Variants in SMARCB1 observed in about 807,000 individuals in gnomAD.
SMARCB1 encodes the protein SWI/SNF-related matrix-associated actin-dependent regulator of chromatin subfamily B member 1.
Under a neutral mutation model 49.0 loss-of-function variants are expected in SMARCB1, and 5 were observed. The ratio of observed to expected loss-of-function variants is 0.10; its 90% CI spans 0.05 to 0.21. The LOEUF (loss-of-function observed/expected upper bound fraction) is 0.21. Ranked by LOEUF, SMARCB1 falls within the 10% of genes least tolerant of loss-of-function variation. The probability of loss-of-function intolerance (pLI) is 1.00; values close to 1 mark genes in which losing one functional copy is unlikely to be tolerated. For missense variants in SMARCB1, 226 were observed against 509.2 expected (o/e 0.44, Z 5.35); for synonymous variants, 201 against 200.1 (o/e 1.00, Z -0.04).
intron 1 of SMARCB1, among the ~76,000 whole-genome samples, chr22:23,790,846 C>A (rs569495547): frequency 6.6e-6 from 1 of 151,784 alleles, no homozygotes; most frequent in Non-Finnish European, 1.5e-5. Context: ...GACCCTGTCT[C>A]AAAAATAATA....
Position 23,836,555 on chromosome 22 carries a change from T to C in SMARCB1, c.*2375T>C. 9.2e-7 allele frequency: 1 copy of C among 1,086,176 alleles called. No homozygotes were observed. Among genetic ancestry groups the C allele is most frequent in the Non-Finnish European group, 1.1e-6 (1 of 896,502 alleles). The allele number at this position is 1,086,176 out of a possible 1,614,324, so 67.3% of individuals were successfully genotyped here. The stretch of plus-strand genomic sequence containing the variant: ...CACCTGTGAGCTCAAAAGCTCTGCC[T>C]GGCAACCTGTGAGCTCAAAGCTCTG... On this transcript the variant is annotated 3_prime_UTR_variant, in exon 9 of 9. Coordinates refer to ENST00000644036, the MANE Select transcript of SMARCB1 (RefSeq NM_003073.5).
chr22:23,837,269 G>C lies in SMARCB1; in HGVS notation c.*3089G>C. The C allele has an allele frequency of 7.5e-7, 1 of 1,335,384 alleles. No homozygotes were observed. The highest frequency in any genetic ancestry group is 1.0e-6 in the Non-Finnish European group (1 of 963,446). The allele number at this position is 1,335,384 out of a possible 1,614,324, so 82.7% of individuals were successfully genotyped here. ...GGTGGCCCTGCAGGCCCCACAGCAT[G>C]AGTGCCCCAAAGCCTTGCACAGAGT... On this transcript the variant is annotated 3_prime_UTR_variant, in exon 9 of 9. Coordinates refer to ENST00000644036, the MANE Select transcript of SMARCB1 (RefSeq NM_003073.5).
At chr22:23,807,788 C>CT (rs757004907) in intron 5 of SMARCB1, among the ~76,000 whole-genome samples, 4 of 106,132 alleles carry the variant, frequency 3.8e-5, no homozygotes, top group African/African-American at 2.7e-5. Context: ...TGGTAGATTT[C>CT]TTTTTTTTTC....
intron 6 of SMARCB1, 176 bp from the exon 7 acceptor site, chr22:23,825,049 G>A (rs1426913252): frequency 4.6e-6 from 3 of 650,644 alleles, no homozygotes; most frequent in African/African-American, 1.8e-5. Flanking sequence ...GGCAGACAGG[G>A]TTGTGGGGTC....
At chr22:23,796,042 C>G (rs924626472) in intron 3 of SMARCB1, among the ~76,000 whole-genome samples, 4 of 152,106 alleles carry the variant, frequency 2.6e-5, no homozygotes, top group Non-Finnish European at 5.9e-5. Flanking sequence ...ATCCTCCCGC[C>G]TCGGCCTCCC....
rs774984894 is a variant in SMARCB1 at position 23,834,123 on chromosome 22, T to C, written c.1119-18T>C. 2.4e-5 allele frequency: 38 copies of C among 1,579,868 alleles called. No homozygotes were observed. The African/African-American group carries it at 5.0e-4, about 21-fold the overall frequency. ...GGGAGCTGGCCCCGACTCATTGCCC[T>C]CCCCACTCCTCTTCCAGGCGGATGA... is the stretch of plus-strand genomic sequence containing the variant. On this transcript the variant is annotated intron_variant, in intron 8 of 8. Coordinates refer to ENST00000644036, the MANE Select transcript of SMARCB1 (RefSeq NM_003073.5).
chr22:23,795,546 T>C (rs1928688607), intron 3 of SMARCB1, among the ~76,000 whole-genome samples: 2 of 151,484 alleles, frequency 1.3e-5, no homozygotes, highest in Non-Finnish European at 2.9e-5. Flanking sequence ...TCCCAGCTAC[T>C]CAGGAAGGCT....
At chr22:23,814,003 T>C (rs1930033481) in intron 5 of SMARCB1, among the ~76,000 whole-genome samples, 1 of 152,074 alleles carries the variant, frequency 6.6e-6, no homozygotes, top group Non-Finnish European at 1.5e-5. Flanking sequence ...CTAATTTTTG[T>C]ATTTTTAGTA....
At chr22:23,816,540 C>A in intron 5 of SMARCB1, 1 of 615,964 alleles carries the variant, frequency 1.6e-6, no homozygotes, top group Non-Finnish European at 2.9e-6. Context: ...ATGGCCATGA[C>A]CACCCCCAGG....
At chr22:23,789,094 C>CAT (rs1928204668) in intron 1 of SMARCB1, among the ~76,000 whole-genome samples, 2 of 152,204 alleles carry the variant, frequency 1.3e-5, no homozygotes, top group African/African-American at 4.8e-5. Context: ...AAGTGATCTG[C>CAT]CCGCCTCGGC....
chr22:23,806,021 A>C (rs777201343), intron 5 of SMARCB1, among the ~76,000 whole-genome samples: 1 of 152,226 alleles, frequency 6.6e-6, no homozygotes, highest in Non-Finnish European at 1.5e-5. Context: ...GGTTAGGAAA[A>C]ACTGGATAAA....
Position 23,816,783 on chromosome 22 carries a change from G to A in SMARCB1, c.642G>A (p.Thr214=), listed in dbSNP as rs745315386. The stretch of plus-strand genomic sequence containing the variant: ...TCCTGATTTCAGAGAAGTTGATGAC[G>A]CCTGAGATGTTTTCAGAAATCCTCT... ...FTWNMNEKLM[T]PEMFSEILCD... Residue 214 remains threonine, a synonymous_variant, in exon 6 of 9, where the codon ACG becomes ACA. Coordinates refer to ENST00000644036, the MANE Select transcript of SMARCB1 (RefSeq NM_003073.5). The A allele has an allele frequency of 7.4e-6, 12 of 1,613,634 alleles. No homozygotes were observed. The Admixed American group carries it at 1.5e-4, about 20-fold the overall frequency.
chr22:23,821,295 G>A (rs9612463), intron 6 of SMARCB1, among the ~76,000 whole-genome samples: 18,828 of 152,258 alleles, frequency 0.12, 1,254 homozygotes, highest in South Asian at 0.27. Context: ...GCATTTTTCA[G>A]GCCAGAGGCC....
At chr22:23,791,104 C>G (rs747807797) in intron 1 of SMARCB1, among the ~76,000 whole-genome samples, 1 of 152,104 alleles carries the variant, frequency 6.6e-6, no homozygotes, top group Non-Finnish European at 1.5e-5. Context: ...GAAAAGTCAA[C>G]GAGACAATAG....
chr22:23,809,083 T>C (rs1268561973), intron 5 of SMARCB1, among the ~76,000 whole-genome samples: 1 of 151,454 alleles, frequency 6.6e-6, no homozygotes, highest in Non-Finnish European at 1.5e-5. Flanking sequence ...TCTGCCCGCC[T>C]TGGCCTCCCA....
At chr22:23,809,076 G>T (rs1314836938) in intron 5 of SMARCB1, among the ~76,000 whole-genome samples, 10 of 150,860 alleles carry the variant, frequency 6.6e-5, no homozygotes, top group Admixed American at 5.9e-4. Context: ...CTCATGATCT[G>T]CCCGCCTTGG....
chr22:23,816,991 A>G (rs1056856553), intron 6 of SMARCB1, 55 bp downstream of exon 6: 22 of 1,449,578 alleles, frequency 1.5e-5, no homozygotes, highest in Admixed American at 5.2e-5. Context: ...GGTGGGTGTC[A>G]TCATGGAGCA....
intron 2 of SMARCB1, chr22:23,792,121 CG>C: frequency 1.8e-6 from 1 of 555,502 alleles, no homozygotes; most frequent in Non-Finnish European, 3.3e-6. Flanking sequence ...GGTATGTGAG[CG>C]GGCCGGGGCC....
At chr22:23,814,170 C>T (rs185127725) in intron 5 of SMARCB1, among the ~76,000 whole-genome samples, 35 of 152,202 alleles carry the variant, frequency 2.3e-4, no homozygotes, top group Admixed American at 2.3e-3. Flanking sequence ...AATCATTCTA[C>T]CCAATCTCAA....
Sources: allele counts gnomAD v4.1 joint callset (sites outside exome capture counted in the v4.1 genomes callset), GRCh38; gene constraint gnomAD v4.1.1; transcripts MANE v1.5; gene names NCBI Gene and HGNC (gene_info 2026-07-23, HGNC 2026-07-21).